MOGAT2: variants seen among roughly 807,000 people sequenced by gnomAD.
MOGAT2 encodes the protein monoacylglycerol O-acyltransferase 2.
A neutral mutation model predicts 31.5 loss-of-function variants in MOGAT2; 27 were observed. The observed-to-expected ratio is 0.86, with a 90% CI of 0.63 to 1.18. The LOEUF is 1.18. MOGAT2 is among the 50% of genes most tolerant of loss of function. The pLI is 0.00. For missense variants in MOGAT2, 436 were observed against 433.2 expected (o/e 1.01, Z -0.06); for synonymous variants, 163 against 170.0 (o/e 0.96, Z 0.32).
chr11:75,727,322 G>A (rs1258712179), intron 2 of MOGAT2, 113 bp from the exon 3 acceptor site: 5 of 920,418 alleles, frequency 5.4e-6, no homozygotes, highest in Non-Finnish European at 8.2e-6. Context: ...CAGACATATG[G>A]ATGAAGACCT....
At chr11:75,719,493 A>C (rs895852137) in intron 1 of MOGAT2, 1 of 156,210 alleles carries the variant, frequency 6.4e-6, no homozygotes, top group Non-Finnish European at 1.4e-5. Context: ...TGGGGAAGTC[A>C]TGAAGGGCTT....
chr11:75,727,267 G>A (rs1014698837), intron 2 of MOGAT2, among the ~76,000 whole-genome samples, 168 bp from the exon 3 acceptor site: 1 of 152,160 alleles, frequency 6.6e-6, no homozygotes, highest in Non-Finnish European at 1.5e-5. Flanking sequence ...ATCTCCAGGT[G>A]CTGTCACATA....
chr11:75,723,992 G>T lies in MOGAT2; in HGVS notation c.271-3443G>T, dbSNP rs1944398511. ...CCCCTCTTCTTTGTTTACCCCCCTT[G>T]AACCCTGTAGCAACCCTGCCAGGGA... On this transcript the variant is annotated intron_variant, in intron 2 of 5. Transcript: ENST00000198801. 1.3e-5 allele frequency among the ~76,000 whole-genome samples: 2 copies of T among 152,088 alleles called. 1 individual carries two copies. The highest frequency in any genetic ancestry group is 4.8e-5 in the African/African-American group (2 of 41,416).
In MOGAT2 at chr11:75,717,979, G is replaced by A; in HGVS notation, c.91G>A (p.Ala31Thr). 2 of 1,614,124 alleles carry A rather than the reference G, an allele frequency of 1.2e-6. No homozygotes were observed. Among genetic ancestry groups the A allele is most frequent in the Non-Finnish European group, 1.7e-6 (2 of 1,179,992 alleles). ...LQFVFSFLALAEICTVGFIAL... is the reference protein window; with the variant it reads ...LQFVFSFLALTEICTVGFIAL... Reference sequence around the variant, plus strand: ...GTTTGTCTTCTCCTTCTTGGCACTGGGTAAGTTGGGCTGCACTGTAAGACG... The same window carrying A: ...GTTTGTCTTCTCCTTCTTGGCACTGAGTAAGTTGGGCTGCACTGTAAGACG... Residue 31 changes from alanine (A) to threonine (T), a missense_variant and splice_region_variant, in exon 1 of 6, where the codon GCC (alanine) becomes ACC (threonine). Physicochemically the swap from Ala to Thr is moderately conservative, Grantham distance 58. Transcript: ENST00000198801.
Position 75,728,923 on chromosome 11 carries a change from C to A in MOGAT2, c.784C>A (p.His262Asn). ...CATGGGCATCTCCCTCCCACTCTTT[C>A]ATGGCCGTGGTGTCTTCCAGTACAG... ...KIMGISLPLF[H>N]GRGVFQYSFG... The change falls in exon 5 of 6, where the codon CAT becomes AAT. Residue 262 changes from histidine (H) to asparagine (N), a missense_variant. His to Asn is a moderately conservative substitution (Grantham distance 68). Transcript: ENST00000198801. The A allele has an allele frequency of 6.2e-7, 1 of 1,614,210 alleles. No individual in the cohort carries two copies. The highest frequency in any genetic ancestry group is 8.5e-7 in the Non-Finnish European group (1 of 1,180,040).
At position 75,732,360 on chromosome 11, in the gene MOGAT2, A is replaced by G. The variant is rs1258982576; in HGVS notation, c.*1074A>G. The G allele has an allele frequency of 6.6e-6, 1 of 152,196 alleles. No individual in the cohort carries two copies. Among genetic ancestry groups the G allele is most frequent in the Admixed American group, 6.5e-5 (1 of 15,270 alleles). 9.4% of individuals were successfully genotyped at this position (152,196 alleles called of 1,614,324 possible). ...TTCCCCACTGCCTGAGCCCAACTAG[A>G]AGCTGGAGGGAAGGAGGGCCTGTGG... On this transcript the variant is annotated 3_prime_UTR_variant, in exon 6 of 6. Coordinates refer to ENST00000198801, the MANE Select transcript of MOGAT2 (RefSeq NM_025098.4).
chr11:75,731,452 G>A lies in MOGAT2; in HGVS notation c.*166G>A. The A allele has an allele frequency of 1.4e-6, 1 of 723,074 alleles. No homozygotes were observed. The highest frequency in any genetic ancestry group is 1.9e-5 in the South Asian group (1 of 51,372). 44.8% of individuals were successfully genotyped at this position (723,074 alleles called of 1,614,324 possible). A position where few individuals can be genotyped will look rare whatever the true frequency, so the allele number is the denominator to read the frequency against. Reference sequence around the variant, plus strand: ...GCAGGCAATGCAGAAGAGGAGACCAGACCAAGGGGTCAGCTGGGGCTAGGA... The same window carrying A: ...GCAGGCAATGCAGAAGAGGAGACCAAACCAAGGGGTCAGCTGGGGCTAGGA... On this transcript the variant is annotated 3_prime_UTR_variant, in exon 6 of 6. Coordinates refer to ENST00000198801, the MANE Select transcript of MOGAT2 (RefSeq NM_025098.4).
At chr11:75,723,382 T>C (rs1037791019) in intron 2 of MOGAT2, among the ~76,000 whole-genome samples, 2 of 152,180 alleles carry the variant, frequency 1.3e-5, no homozygotes, top group Non-Finnish European at 2.9e-5. Context: ...TCATTTTGAC[T>C]ATGTCCTAAG....
intron 2 of MOGAT2, among the ~76,000 whole-genome samples, chr11:75,725,911 C>T (rs939184865): frequency 2.0e-5 from 3 of 152,206 alleles, no homozygotes; most frequent in African/African-American, 4.8e-5. Flanking sequence ...CCTTGGACTC[C>T]GATGGCCGGG....
At chr11:75,727,394 C>T (rs1305676627) in intron 2 of MOGAT2, 41 bp from the exon 3 acceptor site, 3 of 1,587,962 alleles carry the variant, frequency 1.9e-6, no homozygotes, top group East Asian at 2.3e-5. Context: ...AGGGCTGGTA[C>T]ACAGGCCCCG....
Position 75,727,435 on chromosome 11 carries a change from C to T in MOGAT2, c.271C>T (p.Leu91=), listed in dbSNP as rs749759473. The change falls in exon 3 of 6, where the codon CTG becomes TTG. Residue 91 remains leucine, a splice_region_variant and synonymous_variant. Transcript: ENST00000198801. ...KYMKDYFPIS[L]VKTAELDPSR... is the part of the protein sequence containing the mutation. Reference sequence around the variant, plus strand: ...GCTCAGCAGGTTGCCGTCCCTGCAGCTGGTCAAGACTGCTGAGCTGGACCC... The same window carrying T: ...GCTCAGCAGGTTGCCGTCCCTGCAGTTGGTCAAGACTGCTGAGCTGGACCC... The T allele has an allele frequency of 6.2e-7, 1 of 1,612,570 alleles. No individual in the cohort carries two copies. Among genetic ancestry groups the T allele is most frequent in the South Asian group, 1.1e-5 (1 of 91,042 alleles).
intron 4 of MOGAT2, 71 bp from the exon 5 acceptor site, chr11:75,728,719 G>A: frequency 5.1e-6 from 7 of 1,361,606 alleles, no homozygotes; most frequent in Non-Finnish European, 7.3e-6. Flanking sequence ...CCTGCAGGAA[G>A]CTAAAGGGCC....
rs73502474 is a variant in MOGAT2 at position 75,727,933 on chromosome 11, C to T, written c.476-37C>T. On this transcript the variant is annotated intron_variant, in intron 3 of 5. Coordinates refer to ENST00000198801, the MANE Select transcript of MOGAT2 (RefSeq NM_025098.4). ...CATGTACTTTCATAGCCCCTGCTCC[C>T]TCACCCCATACCTGACCCACTTTTC... 7,347 of 1,553,680 alleles carry T rather than the reference C, an allele frequency of 4.7e-3. 305 individuals carry two copies. In the African/African-American group the frequency reaches 0.089, roughly 19 times the overall value.
At chr11:75,718,930 C>T (rs1439677645) in intron 1 of MOGAT2, among the ~76,000 whole-genome samples, 1 of 151,988 alleles carries the variant, frequency 6.6e-6, no homozygotes, top group East Asian at 1.9e-4. Flanking sequence ...AAAATATTGA[C>T]ACACTCTGAA....
chr11:75,728,235 T>C (rs961382077), intron 4 of MOGAT2, 91 bp downstream of exon 4: 16 of 1,371,766 alleles, frequency 1.2e-5, no homozygotes, highest in African/African-American at 5.8e-5. Context: ...CGAATGCAGA[T>C]TCTATTTTGG....
intron 5 of MOGAT2, 67 bp downstream of exon 5, chr11:75,729,056 G>A: frequency 6.6e-7 from 1 of 1,504,212 alleles, no homozygotes; most frequent in Non-Finnish European, 9.2e-7. Flanking sequence ...GCTGCAAGGG[G>A]ACATGGAGAT....
At chr11:75,729,564 C>G (rs183947629) in intron 5 of MOGAT2, among the ~76,000 whole-genome samples, 1 of 152,038 alleles carries the variant, frequency 6.6e-6, no homozygotes, top group African/African-American at 2.4e-5. Flanking sequence ...CATGAGCCAC[C>G]GCGCCTGGCC....
chr11:75,718,371 A>C (rs886754791), intron 1 of MOGAT2, among the ~76,000 whole-genome samples: 1 of 152,110 alleles, frequency 6.6e-6, no homozygotes, highest in African/African-American at 2.4e-5. Flanking sequence ...GGAGGAGGAA[A>C]CTGGGGCTGG....
chr11:75,726,085 C>T (rs1246380030), intron 2 of MOGAT2, among the ~76,000 whole-genome samples: 1 of 152,210 alleles, frequency 6.6e-6, no homozygotes, highest in Admixed American at 6.5e-5. Context: ...ACCTTCACCC[C>T]ACTTCACCTA....
Sources: allele counts gnomAD v4.1 joint callset (sites outside exome capture counted in the v4.1 genomes callset), GRCh38; gene constraint gnomAD v4.1.1; transcripts MANE v1.5; gene names NCBI Gene and HGNC (gene_info 2026-07-23, HGNC 2026-07-21).